HDAC7: variants seen among roughly 807,000 people sequenced by gnomAD.
HDAC7 encodes histone deacetylase 7, also known as histone deacetylase 7A.
In HDAC7, 26 loss-of-function variants were observed where a neutral mutation model predicts 115.5. The ratio of observed to expected loss-of-function variants is 0.23; its 90% CI spans 0.16 to 0.31. The LOEUF (loss-of-function observed/expected upper bound fraction) is 0.31, where lower values mean the gene tolerates loss of function less well. Among genes scored for constraint, HDAC7 ranks in the 10% least tolerant of loss-of-function variants. The pLI is 1.00. For synonymous variants in HDAC7, 564 were observed against 550.9 expected (o/e 1.02, Z -0.33); for missense variants, 1,068 against 1,329.0 (o/e 0.80, Z 3.05).
intron 1 of HDAC7, among the ~76,000 whole-genome samples, chr12:47,810,829 TC>T (rs1944625276): frequency 1.0e-5 from 1 of 97,162 alleles, no homozygotes; most frequent in Non-Finnish European, 2.2e-5. Context: ...TCTCTCTCTC[TC>T]TCTCTCTCTC....
In HDAC7 at chr12:47,795,289, G is replaced by T; in HGVS notation, c.1179C>A (p.Ser393Arg). The T allele has an allele frequency of 1.2e-6, 2 of 1,613,010 alleles. No homozygotes were observed. The highest frequency in any genetic ancestry group is 1.7e-6 in the Non-Finnish European group (2 of 1,179,512). The change falls in exon 11 of 26, where the codon AGC becomes AGA. Residue 393 changes from serine (S) to arginine (R), a missense_variant. Ser to Arg is a moderately radical substitution (Grantham distance 110, BLOSUM62 -1). Around this residue, in one of 6 missense-constraint regions of HDAC7, gnomAD observed 618 missense variants for 701.5 expected, o/e 0.88. Transcript: ENST00000080059. The surrounding 1 kb of genome is among the most constrained non-coding windows in gnomAD (Gnocchi z 4.3). ...LSGSGLHWPLSRTRSEPLPPS... is the reference protein window; with the variant it reads ...LSGSGLHWPLRRTRSEPLPPS... Reference sequence around the variant, plus strand: ...GGGGCAGGGGCTCTGAGCGAGTCCGGCTCAGTGGCCAGTGGAGGCCTGACC... The same window carrying T: ...GGGGCAGGGGCTCTGAGCGAGTCCGTCTCAGTGGCCAGTGGAGGCCTGACC...
intron 1 of HDAC7, among the ~76,000 whole-genome samples, chr12:47,816,799 A>T (rs1261105646): frequency 6.6e-6 from 1 of 152,112 alleles, no homozygotes; most frequent in Non-Finnish European, 1.5e-5. Context: ...GGGAGGAAAC[A>T]AGAGGCTAGG....
In HDAC7 at chr12:47,795,461, G is replaced by T; in HGVS notation, c.1088-81C>A. 2 of 1,375,320 alleles carry T rather than the reference G, an allele frequency of 1.5e-6. No homozygotes were observed. Among genetic ancestry groups the T allele is most frequent in the South Asian group, 1.2e-5 (1 of 80,306 alleles). 85.2% of individuals were successfully genotyped at this position (1,375,320 alleles called of 1,614,324 possible). ...AGCGAGGGTATAGGGTGGGGGGCCA[G>T]GGTGCAGCAGGGCAATGCGCAGGAC... On this transcript the variant is annotated intron_variant, in intron 10 of 25. Coordinates refer to ENST00000080059, the MANE Select transcript of HDAC7 (RefSeq NM_015401.5). The surrounding 1 kb of genome is among the most constrained non-coding windows in gnomAD (Gnocchi z 4.3).
intron 16 of HDAC7, 61 bp downstream of exon 16, chr12:47,791,198 C>G (rs1217570640): frequency 6.9e-7 from 1 of 1,453,606 alleles, no homozygotes; most frequent in African/African-American, 1.4e-5. Flanking sequence ...CCTGGGAGAA[C>G]CACAGGGAGG....
At chr12:47,802,131 C>A in intron 2 of HDAC7, 93 bp downstream of exon 2, 1 of 1,362,342 alleles carries the variant, frequency 7.3e-7, no homozygotes, top group Admixed American at 2.0e-5. Context: ...AGCGACCCTG[C>A]TTCTCTAACC....
chr12:47,795,125 G>T lies in HDAC7; in HGVS notation c.1284+59C>A. ...CCTTTCTAAGTACCCCTCTTCTTTT[G>T]GCCCCTAAGTCCCCAGTTAAACACT... On this transcript the variant is annotated intron_variant, in intron 11 of 25. Coordinates refer to ENST00000080059, the MANE Select transcript of HDAC7 (RefSeq NM_015401.5). The surrounding 1 kb of genome is among the most constrained non-coding windows in gnomAD (Gnocchi z 4.3). 3 of 1,431,074 alleles carry T rather than the reference G, an allele frequency of 2.1e-6. No individual in the cohort carries two copies. Among genetic ancestry groups the T allele is most frequent in the Non-Finnish European group, 9.7e-7 (1 of 1,034,714 alleles). The allele number at this position is 1,431,074 out of a possible 1,614,324, so 88.6% of individuals were successfully genotyped here.
rs1468741684 is a variant in HDAC7 at position 47,789,931 on chromosome 12, C to T, written c.1984-11G>A. ...GGTGTCAGTGTCCACCTGCGGGAGC[C>T]AGAGTCAGGGCCCGCATCATCCAAG... On this transcript the variant is annotated splice_polypyrimidine_tract_variant and intron_variant, in intron 16 of 25. Transcript: ENST00000080059. 6.3e-7 allele frequency: 1 copy of T among 1,586,890 alleles called. No homozygotes were observed. Among genetic ancestry groups the T allele is most frequent in the Non-Finnish European group, 8.6e-7 (1 of 1,156,356 alleles).
At chr12:47,807,942 G>A (rs1406790456) in intron 1 of HDAC7, among the ~76,000 whole-genome samples, 5 of 152,168 alleles carry the variant, frequency 3.3e-5, no homozygotes, top group Non-Finnish European at 7.3e-5. Flanking sequence ...TCTCATTAGC[G>A]TCCCAAAGCA....
intron 2 of HDAC7, among the ~76,000 whole-genome samples, chr12:47,801,224 C>CT (rs1944149914): frequency 6.6e-6 from 1 of 152,216 alleles, no homozygotes; most frequent in Non-Finnish European, 1.5e-5. Context: ...GGTACCATGT[C>CT]TGAGTTAAGC....
chr12:47,820,133 C>T (rs1232083599), upstream of HDAC7, among the ~76,000 whole-genome samples: 11 of 151,014 alleles, frequency 7.3e-5, no homozygotes, highest in East Asian at 2.0e-3. This position sits in a 1 kb window ranked among gnomAD's most constrained non-coding sequence, Gnocchi z 4.3. Flanking sequence ...GGCGCACTGC[C>T]GGGGAGGCAG....
intron 1 of HDAC7, among the ~76,000 whole-genome samples, chr12:47,813,935 G>C (rs1459815266): frequency 6.6e-6 from 1 of 152,262 alleles, no homozygotes; most frequent in Admixed American, 6.5e-5. Context: ...AGAGGTTGGA[G>C]GTGAGAGGGG....
Position 47,793,408 on chromosome 12 carries a change from T to G in HDAC7, c.1639A>C (p.Ser547Arg), listed in dbSNP as rs1224197919. The change falls in exon 13 of 26, where the codon AGC (serine) becomes CGC (arginine). Residue 547 changes from serine to arginine, a missense_variant. Transcript: ENST00000080059. This position sits in a 1 kb window ranked among gnomAD's most constrained non-coding sequence, Gnocchi z 4.5. ...AGGGTCCTGGCAGGGGTCTCTGAGC[T>G]GGAGAGGACTCGGGCCTGGCTGGCA... Reference protein sequence around the residue: ...EPASQARVLSSSETPARTLPF... With the variant: ...EPASQARVLSRSETPARTLPF... 6 of 1,551,166 alleles carry G rather than the reference T, an allele frequency of 3.9e-6. No individual in the cohort carries two copies. Among genetic ancestry groups the G allele is most frequent in the Non-Finnish European group, 3.5e-6 (4 of 1,146,946 alleles).
At chr12:47,791,205 G>T in intron 16 of HDAC7, 54 bp downstream of exon 16, 1 of 1,484,172 alleles carries the variant, frequency 6.7e-7, no homozygotes, top group Non-Finnish European at 9.3e-7. Context: ...GAACCACAGG[G>T]AGGAGAGCTG....
rs945117906 is a variant in HDAC7, at chr12:47,803,201, C to T, written c.20-927G>A. Among the ~76,000 whole-genome samples, 4 of 152,098 alleles carry T rather than the reference C, an allele frequency of 2.6e-5. No individual in the cohort carries two copies. The highest frequency in any genetic ancestry group is 6.5e-5 in the Admixed American group (1 of 15,276). On this transcript the variant is annotated intron_variant, in intron 1 of 25. Coordinates refer to ENST00000080059, the MANE Select transcript of HDAC7 (RefSeq NM_015401.5). The surrounding 1 kb of genome is among the most constrained non-coding windows in gnomAD (Gnocchi z 4.0). ...GACAGACACCTTTCCCTCTTGCTGTCCAGTTCAGGGTCAAGGGGACAGGAG... is the reference window on the plus strand; with the variant it reads ...GACAGACACCTTTCCCTCTTGCTGTTCAGTTCAGGGTCAAGGGGACAGGAG...
chr12:47,783,628 C>G lies in HDAC7; in HGVS notation c.*213G>C. On this transcript the variant is annotated 3_prime_UTR_variant, in exon 26 of 26. Coordinates refer to ENST00000080059, the MANE Select transcript of HDAC7 (RefSeq NM_015401.5). ...GAGCCCTGTGGGGGTCGCCGCCCAG[C>G]CCGTCTCCTCTCAGGGTCCTCTCCA... 1 of 600,590 alleles carries G rather than the reference C, an allele frequency of 1.7e-6. No homozygotes were observed. The allele number at this position is 600,590 out of a possible 1,614,324, so 37.2% of individuals were successfully genotyped here. A position where few individuals can be genotyped will look rare whatever the true frequency, so the allele number is the denominator to read the frequency against.
chr12:47,794,814 C>T lies in HDAC7; in HGVS notation c.1404G>A (p.Leu468=), dbSNP rs911083144. 1.4e-5 allele frequency: 23 copies of T among 1,612,868 alleles called. No homozygotes were observed. In the African/African-American group the frequency reaches 2.3e-4, roughly 16 times the overall value. Residue 468 remains leucine (L), a synonymous_variant, in exon 12 of 26, where the codon CTG becomes CTA. Coordinates refer to ENST00000080059, the MANE Select transcript of HDAC7 (RefSeq NM_015401.5). ...CTCTGGCCTCAGGCTGCCCATGGCC[C>T]AGCTCCCTGTGCTCCAGGCCATCGT... ...VVDDGLEHRE[L]GHGQPEARGP...
chr12:47,805,130 A>G (rs1040207434), intron 1 of HDAC7, among the ~76,000 whole-genome samples: 7 of 150,342 alleles, frequency 4.7e-5, no homozygotes, highest in African/African-American at 1.7e-4. Flanking sequence ...GAGTGCAGTG[A>G]TGTGAACATG....
chr12:47,787,504 G>A (rs1417327610), intron 21 of HDAC7, among the ~76,000 whole-genome samples: 2 of 152,176 alleles, frequency 1.3e-5, no homozygotes, highest in Non-Finnish European at 2.9e-5. Flanking sequence ...GTTTGACATT[G>A]GCTCTCGGTA....
At chr12:47,802,842 C>T (rs1401973670) in intron 1 of HDAC7, among the ~76,000 whole-genome samples, 4 of 152,120 alleles carry the variant, frequency 2.6e-5, no homozygotes, top group South Asian at 2.1e-4. Flanking sequence ...GGTCATGGCC[C>T]GGAGGTCAAG....
Sources: gnomAD v4.1 joint callset for allele counts (sites outside exome capture counted in the v4.1 genomes callset) on GRCh38, gnomAD v4.1.1 for gene constraint, gnomAD v4.1.1 regional missense constraint, Gnocchi (gnomAD v3.1) non-coding constraint, MANE v1.5 for transcripts, NCBI Gene and HGNC (gene_info 2026-07-23, HGNC 2026-07-21) for gene names.